The following SHC4 variants were observed in gnomAD, a reference collection of about 807,000 sequenced individuals.
SHC4 encodes the protein SHC-transforming protein 4.
In SHC4, 41 loss-of-function variants were observed where a neutral mutation model predicts 69.4. That is an observed-to-expected ratio of 0.59 (90% CI 0.46 to 0.77). The LOEUF is 0.77. Ranked by LOEUF, SHC4 falls within the 30% of genes least tolerant of loss-of-function variation. The pLI is 0.00. For missense variants in SHC4, 777 were observed against 783.8 expected (o/e 0.99, Z 0.10); for synonymous variants, 318 against 299.3 (o/e 1.06, Z -0.64).
intron 1 of SHC4, among the ~76,000 whole-genome samples, chr15:48,930,309 T>C (rs1900938096): frequency 6.6e-6 from 1 of 152,254 alleles, no homozygotes; most frequent in African/African-American, 2.4e-5. Flanking sequence ...AAAAATAAAA[T>C]GAGCAAAGCT....
At position 48,857,731 on chromosome 15, in the gene SHC4, T is replaced by C; in HGVS notation, c.1031A>G (p.Gln344Arg). The C allele has an allele frequency of 1.2e-6, 2 of 1,604,544 alleles. No individual in the cohort carries two copies. The highest frequency in any genetic ancestry group is 2.2e-5 in the East Asian group (1 of 44,580). ...IGQAFELRFK[Q>R]YLKNPSLNTS... ...ATTCAAAGAAGGATTTTTCAAGTAC[T>C]GTTTAAACCGGAGTTCAAAAGCCTG... Residue 344 changes from glutamine (Q) to arginine (R), a missense_variant, in exon 7 of 12, where the codon CAG (glutamine) becomes CGG (arginine). Transcript: ENST00000332408.
At chr15:48,884,774 A>C (rs1389331108) in intron 3 of SHC4, among the ~76,000 whole-genome samples, 2 of 152,136 alleles carry the variant, frequency 1.3e-5, no homozygotes, top group Non-Finnish European at 2.9e-5. Context: ...TGAACTCTCC[A>C]ATTACGTAAC....
intron 1 of SHC4, among the ~76,000 whole-genome samples, chr15:48,926,666 T>TTGGC (rs1304562039): frequency 2.6e-5 from 4 of 152,174 alleles, no homozygotes; most frequent in Non-Finnish European, 4.4e-5. Context: ...TTTCACCATG[T>TTGGC]TGGCCAGGCT....
chr15:48,861,075 T>C (rs1899430362), intron 6 of SHC4, among the ~76,000 whole-genome samples: 1 of 152,246 alleles, frequency 6.6e-6, no homozygotes. Context: ...GTTCATAGGC[T>C]GATGCTATCA....
intron 4 of SHC4, chr15:48,878,308 C>T (rs561606415): frequency 6.2e-7 from 1 of 1,613,710 alleles, no homozygotes; most frequent in Admixed American, 1.7e-5. Flanking sequence ...CCCTGCGTCC[C>T]TCCCGCAGCG....
chr15:48,826,502 C>T (rs913442499), intron 11 of SHC4, among the ~76,000 whole-genome samples: 1 of 151,944 alleles, frequency 6.6e-6, no homozygotes, highest in African/African-American at 2.4e-5. Context: ...CCTTGGCTTC[C>T]CAAAGGGCTA....
intron 2 of SHC4, among the ~76,000 whole-genome samples, chr15:48,911,268 T>C (rs773724151): frequency 2.6e-5 from 4 of 152,218 alleles, no homozygotes. Context: ...CATATATGTT[T>C]AGGATTGTGC....
intron 4 of SHC4, chr15:48,877,849 G>A: frequency 4.5e-6 from 1 of 222,394 alleles, no homozygotes; most frequent in Non-Finnish European, 9.0e-6. Flanking sequence ...ATGTTACGAA[G>A]GCCATGTAAG....
In SHC4 at chr15:48,858,178, G is replaced by A. The variant is rs375017411; in HGVS notation, c.947-363C>T. ...CTTAGGGCACTAATCTACACAGAAG[G>A]CGAAGTTTGAGGTTTCATATTTGTC... On this transcript the variant is annotated intron_variant, in intron 6 of 11. Coordinates refer to ENST00000332408, the MANE Select transcript of SHC4 (RefSeq NM_203349.4). Among the ~76,000 whole-genome samples the A allele has an allele frequency of 4.4e-4, 67 of 152,248 alleles. 3 individuals carry two copies. In the South Asian group the frequency reaches 0.011, roughly 25 times the overall value.
chr15:48,944,374 T>C (rs1344400365), intron 1 of SHC4, among the ~76,000 whole-genome samples: 1 of 152,152 alleles, frequency 6.6e-6, no homozygotes, highest in Non-Finnish European at 1.5e-5. Flanking sequence ...GAGGATGTTA[T>C]TGGGTAGGAC....
At position 48,953,004 on chromosome 15, in the gene SHC4, A is replaced by G. The variant is rs531467517; in HGVS notation, c.585+9427T>C. Among the ~76,000 whole-genome samples the G allele has an allele frequency of 2.6e-5, 4 of 152,344 alleles. No homozygotes were observed. In the South Asian group the frequency reaches 8.3e-4, roughly 32 times the overall value. On this transcript the variant is annotated intron_variant, in intron 1 of 11. Coordinates refer to ENST00000332408, the MANE Select transcript of SHC4 (RefSeq NM_203349.4). ...CAGCACTATTCACAATAGCAAAGACATGGAATCAACCTAAATGAAGATCAG... is the reference window on the plus strand; with the variant it reads ...CAGCACTATTCACAATAGCAAAGACGTGGAATCAACCTAAATGAAGATCAG...
chr15:48,894,498 A>T lies in SHC4; in HGVS notation c.657-3687T>A, dbSNP rs555082069. Among the ~76,000 whole-genome samples the T allele has an allele frequency of 1.6e-4, 24 of 152,304 alleles. No individual in the cohort carries two copies. In the South Asian group the frequency reaches 5.0e-3, roughly 32 times the overall value. ...ATGTCCCAATGGAGAGGTGACACCC[A>T]TAGAGAGACGGGACAATGTTCCTGT... On this transcript the variant is annotated intron_variant, in intron 2 of 11. Coordinates refer to ENST00000332408, the MANE Select transcript of SHC4 (RefSeq NM_203349.4).
chr15:48,825,925 A>T lies in SHC4; in HGVS notation c.*46T>A. The T allele has an allele frequency of 1.9e-6, 3 of 1,587,902 alleles. No individual in the cohort carries two copies. The highest frequency in any genetic ancestry group is 2.6e-6 in the Non-Finnish European group (3 of 1,169,258). On this transcript the variant is annotated 3_prime_UTR_variant, in exon 12 of 12. Coordinates refer to ENST00000332408, the MANE Select transcript of SHC4 (RefSeq NM_203349.4). ...TTAAATTATCTTTGTGTCCTAATAC[A>T]AAATGGGGTTTCTTGAAATATCAGT... is the stretch of plus-strand genomic sequence containing the variant.
chr15:48,860,712 G>A (rs895837997), intron 6 of SHC4, among the ~76,000 whole-genome samples: 1 of 152,142 alleles, frequency 6.6e-6, no homozygotes, highest in Middle Eastern at 3.2e-3. Flanking sequence ...CTTCCAGTGA[G>A]GGCGATGAGA....
intron 4 of SHC4, chr15:48,876,612 C>G (rs1455154558): frequency 1.4e-6 from 1 of 696,974 alleles, no homozygotes; most frequent in Non-Finnish European, 2.6e-6. Context: ...AGTCCGAGTT[C>G]TGAAACTGAA....
chr15:48,916,404 T>G (rs1264239276), intron 2 of SHC4, among the ~76,000 whole-genome samples: 1 of 151,892 alleles, frequency 6.6e-6, no homozygotes, highest in Non-Finnish European at 1.5e-5. Flanking sequence ...TTCAACATAG[T>G]GAATGAAATT....
intron 11 of SHC4, 32 bp downstream of exon 11, chr15:48,834,737 C>G (rs770431983): frequency 1.2e-6 from 2 of 1,610,098 alleles, no homozygotes; most frequent in South Asian, 2.2e-5. Context: ...GAACAACATC[C>G]TGTGAAACCT....
intron 2 of SHC4, among the ~76,000 whole-genome samples, chr15:48,899,503 T>C (rs1900280830): frequency 1.3e-5 from 2 of 151,662 alleles, no homozygotes; most frequent in African/African-American, 4.8e-5. Flanking sequence ...AAACAAACAG[T>C]AAAACAGTTT....
chr15:48,868,357 T>C (rs575244681), intron 5 of SHC4, among the ~76,000 whole-genome samples: 1 of 152,272 alleles, frequency 6.6e-6, no homozygotes, highest in South Asian at 2.1e-4. Context: ...CTTGCTTGTA[T>C]GCAGTGTAAG....
Sources: gnomAD v4.1 joint callset for allele counts (sites outside exome capture counted in the v4.1 genomes callset) on GRCh38, gnomAD v4.1.1 for gene constraint, MANE v1.5 for transcripts, NCBI Gene and HGNC (gene_info 2026-07-23, HGNC 2026-07-21) for gene names.